UGT2B15: variants seen among roughly 807,000 people sequenced by gnomAD.
The protein encoded by UGT2B15 is UDP-glucuronosyltransferase 2B15.
In UGT2B15, 36 loss-of-function variants were observed where a neutral mutation model predicts 45.9. That is an observed-to-expected ratio of 0.78 (90% CI 0.60 to 1.04). The LOEUF (loss-of-function observed/expected upper bound fraction) is 1.04. Ranked by LOEUF, UGT2B15 falls within the 50% of genes least tolerant of loss-of-function variation. The pLI is 0.00. For missense variants in UGT2B15, 617 were observed against 622.4 expected (o/e 0.99, Z 0.09); for synonymous variants, 219 against 216.4 (o/e 1.01, Z -0.11).
At chr4:68,657,346 C>T (rs1471662407) in intron 3 of UGT2B15, among the ~76,000 whole-genome samples, 2 of 152,076 alleles carry the variant, frequency 1.3e-5, no homozygotes, top group Non-Finnish European at 2.9e-5. Flanking sequence ...GCAGATCACC[C>T]AGCATTTTGA....
intron 1 of UGT2B15, among the ~76,000 whole-genome samples, chr4:68,669,302 A>C (rs1293874053): frequency 6.6e-6 from 1 of 152,156 alleles, no homozygotes; most frequent in Non-Finnish European, 1.5e-5. Flanking sequence ...TTTCAACAAG[A>C]TTTCAGTTTT....
At chr4:68,664,758 G>T (rs1386877721) in intron 2 of UGT2B15, among the ~76,000 whole-genome samples, 2 of 151,920 alleles carry the variant, frequency 1.3e-5, no homozygotes, top group African/African-American at 2.4e-5. Flanking sequence ...GTAGAGACAG[G>T]TTTCACCATC....
chr4:68,661,336 A>G (rs1732960593), intron 3 of UGT2B15, among the ~76,000 whole-genome samples: 1 of 151,984 alleles, frequency 6.6e-6, no homozygotes, highest in Non-Finnish European at 1.5e-5. Context: ...AGTTGGCAAA[A>G]ATAAACTTTC....
intron 2 of UGT2B15, among the ~76,000 whole-genome samples, chr4:68,665,682 C>G (rs7670020): frequency 0.2 from 30,524 of 151,986 alleles, 3,253 homozygotes; most frequent in African/African-American, 0.24. Flanking sequence ...GCAAATTTGT[C>G]GCAACAATTA....
intron 5 of UGT2B15, among the ~76,000 whole-genome samples, chr4:68,649,682 A>G (rs1413944242): frequency 6.7e-6 from 1 of 150,296 alleles, no homozygotes; most frequent in Non-Finnish European, 1.5e-5. Context: ...ATATATATAC[A>G]CACACACATA....
chr4:68,663,718 A>C (rs1226283349), intron 2 of UGT2B15, among the ~76,000 whole-genome samples: 1 of 151,964 alleles, frequency 6.6e-6, no homozygotes, highest in Non-Finnish European at 1.5e-5. Context: ...TTTCACTTAA[A>C]GTTAGGGTTT....
At chr4:68,656,922 G>A (rs537906012) in intron 3 of UGT2B15, among the ~76,000 whole-genome samples, 1 of 152,036 alleles carries the variant, frequency 6.6e-6, no homozygotes, top group African/African-American at 2.4e-5. Flanking sequence ...AATGGCAGAC[G>A]AGTTACAAAG....
intron 3 of UGT2B15, among the ~76,000 whole-genome samples, chr4:68,661,920 A>C (rs1453398914): frequency 1.3e-5 from 2 of 152,086 alleles, no homozygotes; most frequent in African/African-American, 4.8e-5. Context: ...TGCACTACCT[A>C]GCATTGACAG....
At chr4:68,650,994 T>TG (rs1491586931) in intron 5 of UGT2B15, among the ~76,000 whole-genome samples, 2 of 63,618 alleles carry the variant, frequency 3.1e-5, no homozygotes, top group Non-Finnish European at 7.1e-5. Context: ...TTGATGGTGT[T>TG]GTTTTTTTTT....
rs1243743841 is a variant in UGT2B15 at position 68,669,972 on chromosome 4, A to G, written c.647T>C (p.Ile216Thr). Residue 216 changes from isoleucine (I) to threonine (T), a missense_variant, in exon 1 of 6, where the codon ATA becomes ACA. Ile to Thr is a moderately conservative substitution (Grantham distance 89). Coordinates refer to ENST00000338206, the MANE Select transcript of UGT2B15 (RefSeq NM_001076.4). ...MIFMERIKNM[I>T]HMLYFDFWFQ... ...CCAAAAGTCAAAATAAAGCATATGT[A>G]TCATATTTTTTATCCTCTCCATGAA... 1 of 1,613,882 alleles carries G rather than the reference A, an allele frequency of 6.2e-7. No individual in the cohort carries two copies.
chr4:68,654,984 G>A, intron 4 of UGT2B15, 111 bp downstream of exon 4: 1 of 1,333,672 alleles, frequency 7.5e-7, no homozygotes, highest in Non-Finnish European at 1.1e-6. Context: ...AATTTGATTT[G>A]TTTTTTAGTT....
At chr4:68,662,207 A>G (rs1732987883) in intron 3 of UGT2B15, among the ~76,000 whole-genome samples, 1 of 152,060 alleles carries the variant, frequency 6.6e-6, no homozygotes, top group Admixed American at 6.6e-5. Flanking sequence ...ATGTTTATTT[A>G]TATTTTCTGC....
At chr4:68,651,082 C>G (rs965095427) in intron 5 of UGT2B15, among the ~76,000 whole-genome samples, 1 of 137,612 alleles carries the variant, frequency 7.3e-6, no homozygotes, top group Non-Finnish European at 1.5e-5. Context: ...TTGCAAAAAT[C>G]TTCCCTCATT....
At chr4:68,654,789 A>G (rs1368082102) in intron 4 of UGT2B15, among the ~76,000 whole-genome samples, 2 of 152,134 alleles carry the variant, frequency 1.3e-5, no homozygotes, top group East Asian at 3.9e-4. Flanking sequence ...AACAGAGGTA[A>G]AGCTGCATAA....
intron 2 of UGT2B15, among the ~76,000 whole-genome samples, chr4:68,666,272 C>T (rs1733116145): frequency 6.6e-6 from 1 of 152,122 alleles, no homozygotes; most frequent in South Asian, 2.1e-4. Flanking sequence ...TAAACAAGTA[C>T]ACAGAGTATC....
rs918585180 is a variant in UGT2B15 at position 68,669,955 on chromosome 4, C to G, written c.664G>C (p.Asp222His). Residue 222 changes from aspartate to histidine, a missense_variant, in exon 1 of 6, where the codon GAC becomes CAC. Around this residue, in one of 3 missense-constraint regions of UGT2B15, gnomAD observed 351 missense variants for 342.1 expected, o/e 1.03. Transcript: ENST00000338206. ...IKNMIHMLYF[D>H]FWFQIYDLKK... ...AGATCATAAATTTGAAACCAAAAGT[C>G]AAAATAAAGCATATGTATCATATTT... 6.2e-7 allele frequency: 1 copy of G among 1,612,850 alleles called. No individual in the cohort carries two copies. The highest frequency in any genetic ancestry group is 8.5e-7 in the Non-Finnish European group (1 of 1,179,780).
rs148054959 is a variant in UGT2B15 at position 68,647,318 on chromosome 4, C to T, written c.1379G>A (p.Arg460Gln). 126 of 1,613,760 alleles carry T rather than the reference C, an allele frequency of 7.8e-5. 2 individuals carry two copies. The highest frequency in any genetic ancestry group is 2.0e-4 in the South Asian group (18 of 91,062). Reference protein sequence around the residue: ...HHDQPMKPLDRAVFWIEFVMR... With the variant: ...HHDQPMKPLDQAVFWIEFVMR... ...GACAAACTCAATCCAGAAGACTGCT[C>T]GATCCAGGGGCTTCATTGGTTGGTC... The change falls in exon 6 of 6, where the codon CGA becomes CAA. Residue 460 changes from arginine to glutamine, a missense_variant. Arg to Gln is a conservative substitution (Grantham distance 43). This residue lies in a region of UGT2B15 where 265 missense variants were observed against 245.1 expected (regional missense o/e 1.08). Transcript: ENST00000338206.
At chr4:68,665,502 G>A (rs1458135687) in intron 2 of UGT2B15, among the ~76,000 whole-genome samples, 8 of 151,862 alleles carry the variant, frequency 5.3e-5, no homozygotes, top group African/African-American at 1.7e-4. Context: ...ATTTGCTACC[G>A]ATATTGAATC....
Position 68,667,700 on chromosome 4 carries a change from C to T in UGT2B15, c.873+340G>A, listed in dbSNP as rs187813372. ...CATGAGGGAGCAGAAACTGTGCTACCTTTATTCTCTGAAAATCCAGCACTT... is the reference window on the plus strand; with the variant it reads ...CATGAGGGAGCAGAAACTGTGCTACTTTTATTCTCTGAAAATCCAGCACTT... On this transcript the variant is annotated intron_variant, in intron 2 of 5. Transcript: ENST00000338206. Among the ~76,000 whole-genome samples the T allele has an allele frequency of 9.7e-4, 147 of 152,188 alleles. 3 individuals are homozygous for T. In the East Asian group the frequency reaches 0.024, roughly 24 times the overall value.
Sources: gnomAD v4.1 joint callset for allele counts (sites outside exome capture counted in the v4.1 genomes callset) on GRCh38, gnomAD v4.1.1 for gene constraint, gnomAD v4.1.1 regional missense constraint, MANE v1.5 for transcripts, NCBI Gene and HGNC (gene_info 2026-07-23, HGNC 2026-07-21) for gene names.